The following KCNQ3 variants were observed in gnomAD, a reference collection of about 807,000 sequenced individuals.
The protein encoded by KCNQ3 is potassium voltage-gated channel subfamily Q member 3, also known as potassium voltage-gated channel subfamily KQT member 3.
In KCNQ3, 30 loss-of-function variants were observed where a neutral mutation model predicts 92.5. The ratio of observed to expected loss-of-function variants is 0.32; its 90% CI spans 0.24 to 0.44. The LOEUF is 0.44. Ranked by LOEUF, KCNQ3 falls within the 20% of genes least tolerant of loss-of-function variation. The pLI is 1.00. For synonymous variants in KCNQ3, 450 were observed against 468.8 expected (o/e 0.96, Z 0.52); for missense variants, 913 against 1,140.3 (o/e 0.80, Z 2.87).
At chr8:132,280,701 C>T (rs964701193) in intron 1 of KCNQ3, among the ~76,000 whole-genome samples, 1 of 152,124 alleles carries the variant, frequency 6.6e-6, no homozygotes, top group East Asian at 1.9e-4. Context: ...AAGGAGCCAG[C>T]CATGAGAAGA....
At position 132,186,083 on chromosome 8, in the gene KCNQ3, A is replaced by G; in HGVS notation, c.477+8T>C. On this transcript the variant is annotated splice_region_variant and intron_variant, in intron 2 of 14. Transcript: ENST00000388996. ...ACCAGAAGCATTTACCCCAGAATGC[A>G]ATCTTACCAGTAACAGAAGCCAGTC... 6.2e-7 allele frequency: 1 copy of G among 1,606,238 alleles called. No homozygotes were observed. The highest frequency in any genetic ancestry group is 8.5e-7 in the Non-Finnish European group (1 of 1,172,908).
At chr8:132,163,002 A>C (rs1826034684) in intron 9 of KCNQ3, among the ~76,000 whole-genome samples, 1 of 152,248 alleles carries the variant, frequency 6.6e-6, no homozygotes. Context: ...GATGATCATG[A>C]ATTACAGTCT....
intron 1 of KCNQ3, among the ~76,000 whole-genome samples, chr8:132,372,076 C>T (rs1819485026): frequency 6.6e-6 from 1 of 152,218 alleles, no homozygotes; most frequent in African/African-American, 2.4e-5. Flanking sequence ...GCTCCTGTCC[C>T]AGCCCTATCC....
intron 1 of KCNQ3, among the ~76,000 whole-genome samples, chr8:132,215,430 A>G (rs1223798061): frequency 6.6e-6 from 1 of 152,230 alleles, no homozygotes; most frequent in Admixed American, 6.5e-5. Flanking sequence ...CATAATTCAC[A>G]GTAGAAGATG....
intron 1 of KCNQ3, among the ~76,000 whole-genome samples, chr8:132,381,656 G>C (rs769194964): frequency 6.6e-6 from 1 of 152,198 alleles, no homozygotes; most frequent in East Asian, 1.9e-4. Context: ...CACTGTTCTA[G>C]GTGCTTAAGA....
At chr8:132,430,364 C>T (rs573059449) in intron 1 of KCNQ3, among the ~76,000 whole-genome samples, 1 of 152,272 alleles carries the variant, frequency 6.6e-6, no homozygotes, top group East Asian at 1.9e-4. Flanking sequence ...CAGAAGTGAC[C>T]AAACCAAGCA....
intron 1 of KCNQ3, among the ~76,000 whole-genome samples, chr8:132,435,079 C>G (rs978929020): frequency 1.3e-5 from 2 of 152,136 alleles, no homozygotes; most frequent in Non-Finnish European, 2.9e-5. Flanking sequence ...GCTGAGCATG[C>G]AAGGATGAAC....
intron 1 of KCNQ3, among the ~76,000 whole-genome samples, chr8:132,268,259 G>A (rs1315296701): frequency 6.6e-6 from 1 of 152,088 alleles, no homozygotes; most frequent in Non-Finnish European, 1.5e-5. Flanking sequence ...ATTTAATGGT[G>A]TGATAGCTCT....
intron 1 of KCNQ3, among the ~76,000 whole-genome samples, chr8:132,213,857 C>T (rs2130309660): frequency 6.6e-6 from 1 of 152,322 alleles, no homozygotes; most frequent in Non-Finnish European, 1.5e-5. Flanking sequence ...AGTTATGAAA[C>T]TGCATGAGAA....
intron 1 of KCNQ3, among the ~76,000 whole-genome samples, chr8:132,386,402 T>C (rs1819891717): frequency 1.3e-5 from 2 of 152,134 alleles, no homozygotes; most frequent in African/African-American, 4.8e-5. Flanking sequence ...TCAGGAAGCA[T>C]ATATAATCAC....
At chr8:132,464,085 T>C (rs983303987) in intron 1 of KCNQ3, among the ~76,000 whole-genome samples, 2 of 152,226 alleles carry the variant, frequency 1.3e-5, no homozygotes, top group Non-Finnish European at 2.9e-5. Context: ...CTCAGGAGGC[T>C]GAGGCAGGAG....
At chr8:132,142,019 A>G (rs1825313629) in intron 9 of KCNQ3, among the ~76,000 whole-genome samples, 1 of 152,234 alleles carries the variant, frequency 6.6e-6, no homozygotes, top group Non-Finnish European at 1.5e-5. Context: ...GGTACTGTTT[A>G]TGCTCATGCT....
intron 1 of KCNQ3, among the ~76,000 whole-genome samples, chr8:132,337,141 C>T (rs969680471): frequency 2.6e-5 from 4 of 152,134 alleles, no homozygotes; most frequent in Non-Finnish European, 2.9e-5. Flanking sequence ...GAGTGGATGC[C>T]CCAGAAACCT....
At chr8:132,248,398 G>A (rs1257874839) in intron 1 of KCNQ3, among the ~76,000 whole-genome samples, 1 of 150,896 alleles carries the variant, frequency 6.6e-6, no homozygotes, top group Non-Finnish European at 1.5e-5. Flanking sequence ...ATAGGAATAA[G>A]CACATAAATA....
chr8:132,355,591 G>A (rs527544135), intron 1 of KCNQ3, among the ~76,000 whole-genome samples: 30 of 152,200 alleles, frequency 2.0e-4, no homozygotes, highest in African/African-American at 6.3e-4. Context: ...GGTAGCAATC[G>A]TGTTTCCATG....
intron 3 of KCNQ3, among the ~76,000 whole-genome samples, chr8:132,180,834 T>TA (rs1563791356): frequency 1.7e-4 from 5 of 29,922 alleles, no homozygotes; most frequent in African/African-American, 6.9e-4. Flanking sequence ...AGAGAGAATG[T>TA]TAAAAAAAAA....
chr8:132,418,287 T>C (rs529750168), intron 1 of KCNQ3, among the ~76,000 whole-genome samples: 17 of 152,082 alleles, frequency 1.1e-4, no homozygotes, highest in Non-Finnish European at 2.9e-5. Flanking sequence ...CAAGAAGGGA[T>C]CTGTGACAGA....
chr8:132,331,872 G>A (rs1818241680), intron 1 of KCNQ3, among the ~76,000 whole-genome samples: 1 of 152,190 alleles, frequency 6.6e-6, no homozygotes, highest in Non-Finnish European at 1.5e-5. Context: ...CTCCGAAGCA[G>A]TCCAGAAGTC....
chr8:132,295,000 C>T (rs559484474), intron 1 of KCNQ3, among the ~76,000 whole-genome samples: 2 of 152,078 alleles, frequency 1.3e-5, no homozygotes, highest in South Asian at 2.1e-4. Flanking sequence ...GGTTTCATGA[C>T]GAAAACATCA....
Sources: allele counts gnomAD v4.1 joint callset (sites outside exome capture counted in the v4.1 genomes callset), GRCh38; gene constraint gnomAD v4.1.1; transcripts MANE v1.5; gene names NCBI Gene and HGNC (gene_info 2026-07-23, HGNC 2026-07-21).